NEBL: variants seen among roughly 807,000 people sequenced by gnomAD.
NEBL encodes nebulette, also known as LIM and SH3 protein 2.
Under a neutral mutation model 140.2 loss-of-function variants are expected in NEBL, and 122 were observed. That is an observed-to-expected ratio of 0.87 (90% CI 0.75 to 1.01). The LOEUF (loss-of-function observed/expected upper bound fraction) is 1.01. Ranked by LOEUF, NEBL falls within the 50% of genes least tolerant of loss-of-function variation. The pLI, the probability that NEBL is intolerant of heterozygous loss-of-function variation, is 0.00. For synonymous variants in NEBL, 436 were observed against 398.9 expected, an observed-to-expected ratio of 1.09 and a Z score of -1.11; for missense variants, 1,365 against 1,231.3, an observed-to-expected ratio of 1.11 and a Z score of -1.62.
In NEBL at chr10:20,859,716, G is replaced by A. The variant is rs368513995; in HGVS notation, c.795C>T (p.Ser265=). The change falls in exon 8 of 28, where the codon AGC becomes AGT. Residue 265 remains serine (S), a synonymous_variant. Coordinates refer to ENST00000377122, the MANE Select transcript of NEBL (RefSeq NM_006393.3). The part of the protein sequence containing the change: ...RQNQLAATLA[S]NVKYKKDIQN... ...TTTTCTATGAATTACAACTTACATT[G>A]CTCGCCAGTGTAGCAGCAAGCTGAT... The A allele has an allele frequency of 1.3e-6, 2 of 1,565,786 alleles. No homozygotes were observed. The highest frequency in any genetic ancestry group is 1.7e-5 in the Admixed American group (1 of 59,594).
At chr10:20,892,108 C>T (rs540337968) in intron 2 of NEBL, among the ~76,000 whole-genome samples, 2 of 152,312 alleles carry the variant, frequency 1.3e-5, no homozygotes, top group South Asian at 4.1e-4. Flanking sequence ...CCCATTATCT[C>T]CTATTAAAAG....
intron 4 of NEBL, among the ~76,000 whole-genome samples, chr10:20,914,284 C>T (rs944941250): frequency 3.3e-5 from 5 of 152,068 alleles, no homozygotes; most frequent in Non-Finnish European, 5.9e-5. Context: ...GCTAAGAAAA[C>T]GTGTATTTGG....
intron 2 of NEBL, among the ~76,000 whole-genome samples, chr10:21,091,868 G>T (rs575258509): frequency 6.6e-6 from 1 of 152,188 alleles, no homozygotes; most frequent in Non-Finnish European, 1.5e-5. Context: ...CTGGACTCAA[G>T]CAATCCTCTT....
At position 20,794,611 on chromosome 10, in the gene NEBL, T is replaced by C. The variant is rs888486606; in HGVS notation, c.2762-7303A>G. ...TGCAACCTGCATCTTTATAAGAAAA[T>C]GCAACCTACATAAAAGTATTTAAGC... On this transcript the variant is annotated intron_variant, in intron 26 of 27. Coordinates refer to ENST00000377122, the MANE Select transcript of NEBL (RefSeq NM_006393.3). Among the ~76,000 whole-genome samples, 24 of 152,316 alleles carry C rather than the reference T, an allele frequency of 1.6e-4. 1 individual carries two copies. The highest frequency in any genetic ancestry group is 5.8e-4 in the African/African-American group (24 of 41,576).
In NEBL at chr10:20,974,455, T is replaced by C. The variant is rs769503729; in HGVS notation, c.250-12676A>G. Among the ~76,000 whole-genome samples the C allele has an allele frequency of 2.1e-4, 32 of 152,016 alleles. 1 individual carries two copies. The highest frequency in any genetic ancestry group is 3.2e-4 in the Non-Finnish European group (22 of 67,996). On this transcript the variant is annotated intron_variant, in intron 3 of 6. Transcript: ENST00000417816. Reference sequence around the variant, plus strand: ...TTTGCGTAAAGATGGGGTTTTGCCATGCTGCTTCTCGAACTCCTGAGGTGG... The same window carrying C: ...TTTGCGTAAAGATGGGGTTTTGCCACGCTGCTTCTCGAACTCCTGAGGTGG...
At position 21,163,142 on chromosome 10, in the gene NEBL, T is replaced by C. The variant is rs189446328; in HGVS notation, c.164+9241A>G. On this transcript the variant is annotated intron_variant, in intron 2 of 6. Coordinates refer to the NEBL transcript ENST00000417816. ...CCCAGTGTGGCTGGAGAGAAGGAGG[T>C]TAAATGGAAGTGGATAGAAGAAGGT... 4.0e-4 allele frequency among the ~76,000 whole-genome samples: 61 copies of C among 151,902 alleles called. No individual in the cohort carries two copies. The Middle Eastern group carries it at 0.01, about 25-fold the overall frequency.
At chr10:21,128,920 A>G (rs182307938) in intron 2 of NEBL, among the ~76,000 whole-genome samples, 271 of 152,350 alleles carry the variant, frequency 1.8e-3, no homozygotes, top group African/African-American at 5.9e-3. Context: ...TAAGAGCCGA[A>G]TATCATATAA....
intron 2 of NEBL, among the ~76,000 whole-genome samples, chr10:21,026,225 G>T (rs780231942): frequency 2.0e-5 from 3 of 152,140 alleles, no homozygotes; most frequent in Non-Finnish European, 4.4e-5. Flanking sequence ...GCAACGTCCG[G>T]AGACATTTCT....
intron 3 of NEBL, among the ~76,000 whole-genome samples, chr10:20,965,414 A>G (rs1836261484): frequency 6.6e-6 from 1 of 152,216 alleles, no homozygotes; most frequent in South Asian, 2.1e-4. Context: ...GGCCTCAAAG[A>G]GGGAGGAAGA....
intron 4 of NEBL, among the ~76,000 whole-genome samples, chr10:20,944,218 G>T (rs1475434148): frequency 6.6e-6 from 1 of 152,084 alleles, no homozygotes; most frequent in Non-Finnish European, 1.5e-5. Context: ...TTGCCACCCT[G>T]GTGAAACCCC....
intron 1 of NEBL, among the ~76,000 whole-genome samples, chr10:21,253,262 A>T (rs1842610005): frequency 6.6e-6 from 1 of 151,970 alleles, no homozygotes; most frequent in African/African-American, 2.4e-5. Flanking sequence ...CAAGAATGAA[A>T]CTCTGTCTCA....
chr10:20,896,890 T>C (rs1847544460), intron 2 of NEBL, 68 bp downstream of exon 2: 6 of 1,273,836 alleles, frequency 4.7e-6, no homozygotes, highest in South Asian at 1.2e-5. Context: ...CACAGCTCTA[T>C]GACTCTATAA....
chr10:21,287,995 T>C (rs759712491), intron 1 of NEBL, among the ~76,000 whole-genome samples: 1 of 152,186 alleles, frequency 6.6e-6, no homozygotes, highest in Non-Finnish European at 1.5e-5. Flanking sequence ...TATTAATCTG[T>C]CTCAATTTTC....
intron 1 of NEBL, among the ~76,000 whole-genome samples, chr10:21,288,606 C>T (rs1184853642): frequency 6.7e-6 from 1 of 149,678 alleles, no homozygotes; most frequent in Non-Finnish European, 1.5e-5. Context: ...ACTAAAAATA[C>T]AAAAATTAGC....
At chr10:21,268,417 A>T (rs1842823571) in intron 1 of NEBL, among the ~76,000 whole-genome samples, 1 of 152,194 alleles carries the variant, frequency 6.6e-6, no homozygotes, top group African/African-American at 2.4e-5. Flanking sequence ...CAAGAGTTTG[A>T]GGCTGCAGAG....
At position 20,864,787 on chromosome 10, in the gene NEBL, CT is replaced by C. The variant is rs147103969; in HGVS notation, c.684+3876del. Among the ~76,000 whole-genome samples, 836 of 152,258 alleles carry C rather than the reference CT, an allele frequency of 5.5e-3. 2 individuals are homozygous for C. The highest frequency in any genetic ancestry group is 9.7e-3 in the Non-Finnish European group (658 of 68,008). On this transcript the variant is annotated intron_variant, in intron 7 of 27. Coordinates refer to ENST00000377122, the MANE Select transcript of NEBL (RefSeq NM_006393.3). ...GAAACTAAACTTGCTGCCCAAATTT[CT>C]GTTATAATTGATATACCTGAAAATA...
chr10:21,213,784 A>G lies in NEBL; in HGVS notation n.348+34137T>C, dbSNP rs575219530. 2.2e-4 allele frequency among the ~76,000 whole-genome samples: 33 copies of G among 152,274 alleles called. 2 individuals carry two copies. Among genetic ancestry groups the G allele is most frequent in the African/African-American group, 7.9e-4 (33 of 41,570 alleles). On this transcript the variant is annotated intron_variant and non_coding_transcript_variant, in intron 3 of 8. Coordinates refer to the NEBL transcript ENST00000675702. ...AAATAAATTATTCTATTTTTACTGC[A>G]AATATTCCTCTCTTAAAAGGACCAA...
intron 1 of NEBL, among the ~76,000 whole-genome samples, chr10:21,271,574 G>C (rs1588585314): frequency 6.7e-6 from 1 of 150,008 alleles, no homozygotes; most frequent in South Asian, 2.1e-4. Context: ...CATCCAGGCT[G>C]GAATGCAATA....
chr10:20,917,727 A>G (rs1833376654), intron 4 of NEBL, among the ~76,000 whole-genome samples: 1 of 152,234 alleles, frequency 6.6e-6, no homozygotes. Context: ...AACCATGTCT[A>G]TAAAATTAAT....
Sources: allele counts gnomAD v4.1 joint callset (sites outside exome capture counted in the v4.1 genomes callset), GRCh38; gene constraint gnomAD v4.1.1; transcripts MANE v1.5; gene names NCBI Gene and HGNC (gene_info 2026-07-23, HGNC 2026-07-21).